TMEM63B: variants seen among roughly 807,000 people sequenced by gnomAD.
TMEM63B encodes the protein transmembrane protein 63B.
In TMEM63B, 23 loss-of-function variants were observed where a neutral mutation model predicts 102.6. The ratio of observed to expected loss-of-function variants is 0.22; its 90% CI spans 0.16 to 0.32. The LOEUF is 0.32. TMEM63B is among the 10% of genes least tolerant of loss of function. TMEM63B has a pLI of 1.00. For synonymous variants in TMEM63B, 444 were observed against 437.0 expected (o/e 1.02, Z -0.20); for missense variants, 628 against 1,095.9 (o/e 0.57, Z 6.03).
chr6:44,147,794 G>A (rs1765730135), intron 12 of TMEM63B, among the ~76,000 whole-genome samples: 1 of 152,212 alleles, frequency 6.6e-6, no homozygotes, highest in African/African-American at 2.4e-5. Context: ...CACCTTATGA[G>A]AGTGTTGTGA....
At chr6:44,146,973 C>A in intron 11 of TMEM63B, 46 bp downstream of exon 11, 1 of 1,594,390 alleles carries the variant, frequency 6.3e-7, no homozygotes, top group Non-Finnish European at 8.6e-7. Flanking sequence ...GGCCCCCTGC[C>A]ATTGTGGAGG....
chr6:44,139,337 C>T (rs1472908910), intron 6 of TMEM63B, 130 bp from the exon 7 acceptor site: 10 of 1,131,206 alleles, frequency 8.8e-6, no homozygotes, highest in Non-Finnish European at 1.0e-5. Flanking sequence ...CCATTTCAGC[C>T]CTATACTACT....
At chr6:44,131,736 C>G (rs559857552) in intron 1 of TMEM63B, among the ~76,000 whole-genome samples, 1 of 149,766 alleles carries the variant, frequency 6.7e-6, no homozygotes, top group South Asian at 2.1e-4. Context: ...ACACAACAAC[C>G]CCCCCAAAAA....
chr6:44,144,218 A>G (rs370954382), intron 10 of TMEM63B, among the ~76,000 whole-genome samples: 14 of 152,240 alleles, frequency 9.2e-5, no homozygotes, highest in Non-Finnish European at 1.6e-4. Context: ...GGTGAGGACT[A>G]AGAGACAGCG....
chr6:44,148,774 G>T lies in TMEM63B; in HGVS notation c.1260-18G>T. The T allele has an allele frequency of 6.2e-7, 1 of 1,614,042 alleles. No individual in the cohort carries two copies. The highest frequency in any genetic ancestry group is 8.5e-7 in the Non-Finnish European group (1 of 1,179,994). On this transcript the variant is annotated intron_variant, in intron 14 of 23. Coordinates refer to ENST00000323267, the MANE Select transcript of TMEM63B (RefSeq NM_018426.3). This position sits in a 1 kb window ranked among gnomAD's most constrained non-coding sequence, Gnocchi z 5.1. ...CCTGCCCTTGGTTCCTGGACTGACC[G>T]GTTCCCCACCTTGCCAGGGAGCACC...
rs763309221 is a variant in TMEM63B at position 44,150,634 on chromosome 6, G to GTGAC, written c.1673+8_1673+11dup. On this transcript the variant is annotated splice_donor_region_variant and intron_variant, in intron 18 of 23. Transcript: ENST00000323267. The surrounding 1 kb of genome is among the most constrained non-coding windows in gnomAD (Gnocchi z 4.7). ...TGAGGCAGCTATTCGGTTTGAGTGA[G>GTGAC]TGACTGGGGCCCCTAGGGAAAGAGA... is the stretch of plus-strand genomic sequence containing the variant. 6 of 1,613,922 alleles carry GTGAC rather than the reference G, an allele frequency of 3.7e-6. No individual in the cohort carries two copies.
chr6:44,142,761 G>A (rs1764558861), intron 10 of TMEM63B, among the ~76,000 whole-genome samples: 1 of 151,920 alleles, frequency 6.6e-6, no homozygotes, highest in South Asian at 2.1e-4. Context: ...AGGTGTGGTG[G>A]CTCATGCCTG....
chr6:44,150,764 G>A lies in TMEM63B; in HGVS notation c.1673+135G>A. 2.1e-6 allele frequency: 2 copies of A among 956,204 alleles called. No individual in the cohort carries two copies. Among genetic ancestry groups the A allele is most frequent in the Admixed American group, 4.3e-5 (2 of 46,778 alleles). 59.2% of individuals were successfully genotyped at this position (956,204 alleles called of 1,614,324 possible). ...GGGGCAGAAGAGAGAGGATCTGGCG[G>A]GGTTACCCCAAAGGCACCCACAAGG... On this transcript the variant is annotated intron_variant, in intron 18 of 23. Transcript: ENST00000323267. The surrounding 1 kb of genome is among the most constrained non-coding windows in gnomAD (Gnocchi z 4.7).
intron 4 of TMEM63B, among the ~76,000 whole-genome samples, chr6:44,136,077 T>C (rs1444759811): frequency 6.6e-6 from 1 of 152,118 alleles, no homozygotes; most frequent in Non-Finnish European, 1.5e-5. Context: ...CGCTTCAGCC[T>C]CCTTAGGGAG....
Position 44,148,701 on chromosome 6 carries a change from G to C in TMEM63B, c.1259+51G>C. ...CTTTCCAGGGCCTGGGATGGGCTCAGTAGGTAGGCGGAGGAGAGGGAGTGT... is the reference window on the plus strand; with the variant it reads ...CTTTCCAGGGCCTGGGATGGGCTCACTAGGTAGGCGGAGGAGAGGGAGTGT... On this transcript the variant is annotated intron_variant, in intron 14 of 23. Coordinates refer to ENST00000323267, the MANE Select transcript of TMEM63B (RefSeq NM_018426.3). The surrounding 1 kb of genome is among the most constrained non-coding windows in gnomAD (Gnocchi z 5.1). 6.2e-7 allele frequency: 1 copy of C among 1,611,296 alleles called. No individual in the cohort carries two copies. The highest frequency in any genetic ancestry group is 8.5e-7 in the Non-Finnish European group (1 of 1,177,822).
intron 15 of TMEM63B, 89 bp downstream of exon 15, chr6:44,149,034 C>G (rs1403422132): frequency 6.3e-7 from 1 of 1,594,124 alleles, no homozygotes; most frequent in South Asian, 1.1e-5. Context: ...CCCAGCCCAG[C>G]CCGTTCTGCT....
At chr6:44,133,265 C>G (rs1186425970) in intron 1 of TMEM63B, among the ~76,000 whole-genome samples, 1 of 152,188 alleles carries the variant, frequency 6.6e-6, no homozygotes, top group Admixed American at 6.5e-5. Context: ...TCCATCCTCC[C>G]CTCCATCTGA....
At position 44,147,451 on chromosome 6, in the gene TMEM63B, C is replaced by T. The variant is rs1765651463; in HGVS notation, c.938C>T (p.Pro313Leu). Residue 313 changes from proline to leucine, a missense_variant, in exon 12 of 24, where the codon CCC (proline) becomes CTC (leucine). Physicochemically the swap from Pro to Leu is moderately conservative, Grantham distance 98. Transcript: ENST00000323267. The part of the protein sequence containing the change: ...SKENVPTMIN[P>L]KPCGHLCCCV... ...GAGAACGTGCCTACCATGATCAACC[C>T]CAAGCCCTGTGGCCACCTCTGCTGC... is the stretch of plus-strand genomic sequence containing the variant. The T allele has an allele frequency of 1.2e-6, 2 of 1,614,152 alleles. No homozygotes were observed. The highest frequency in any genetic ancestry group is 4.5e-5 in the East Asian group (2 of 44,874).
rs1435061133 is a variant in TMEM63B, at chr6:44,153,766, C to T, written c.2033C>T (p.Ser678Leu). Residue 678 changes from serine (S) to leucine (L), a missense_variant, in exon 21 of 24, where the codon TCG (serine) becomes TTG (leucine). By Grantham distance (145) the Ser-to-Leu change is moderately radical (BLOSUM62 -2). Around this residue, in one of 6 missense-constraint regions of TMEM63B, gnomAD observed 90 missense variants for 136.7 expected, o/e 0.66. Coordinates refer to ENST00000323267, the MANE Select transcript of TMEM63B (RefSeq NM_018426.3). ...LPAKLDKKIH[S>L]GAVNQVVAAP... The stretch of plus-strand genomic sequence containing the variant: ...GCCAAGCTGGACAAGAAGATCCACT[C>T]GGGGGCTGTGAACCAGGTGGTGGCC... The T allele has an allele frequency of 2.5e-6, 4 of 1,614,106 alleles. No individual in the cohort carries two copies. The highest frequency in any genetic ancestry group is 1.6e-4 in the Middle Eastern group (1 of 6,062).
chr6:44,134,924 T>A, intron 2 of TMEM63B, 93 bp from the exon 3 acceptor site: 1 of 1,535,882 alleles, frequency 6.5e-7, no homozygotes, highest in South Asian at 1.1e-5. Context: ...CATCCCCTTC[T>A]AAGACAAGAT....
chr6:44,144,873 C>T lies in TMEM63B; in HGVS notation c.783-1974C>T, dbSNP rs895746742. On this transcript the variant is annotated intron_variant, in intron 10 of 23. Transcript: ENST00000323267. Reference sequence around the variant, plus strand: ...TCAGCCTCTCAAAGTTTTGGGATTACAGGCATGAGCCACTGTGTTCAACCT... The same window carrying T: ...TCAGCCTCTCAAAGTTTTGGGATTATAGGCATGAGCCACTGTGTTCAACCT... 2.6e-5 allele frequency among the ~76,000 whole-genome samples: 4 copies of T among 152,024 alleles called. No individual in the cohort carries two copies. In the East Asian group the frequency reaches 5.8e-4, roughly 22 times the overall value.
intron 6 of TMEM63B, chr6:44,138,746 T>G (rs1261214033): frequency 2.4e-5 from 8 of 327,576 alleles, no homozygotes; most frequent in East Asian, 5.3e-5. Context: ...GCCCCCCCGC[T>G]TCTCTCCCTG....
chr6:44,138,326 A>C, intron 5 of TMEM63B, 154 bp from the exon 6 acceptor site: 1 of 862,856 alleles, frequency 1.2e-6, no homozygotes, highest in Non-Finnish European at 1.9e-6. Context: ...CTTTTTGGGT[A>C]TAAGCTAGTT....
rs1766868973 is a variant in TMEM63B, at chr6:44,152,342, C to T, written c.1837-251C>T. Among the ~76,000 whole-genome samples, 2 of 152,022 alleles carry T rather than the reference C, an allele frequency of 1.3e-5. No homozygotes were observed. On this transcript the variant is annotated intron_variant, in intron 19 of 23. Transcript: ENST00000323267. The surrounding 1 kb of genome is among the most constrained non-coding windows in gnomAD (Gnocchi z 6.4). Reference sequence around the variant, plus strand: ...TCTCAAGTCCACCCAACTCTTGCCCCCTACCTGCCAGGCCCCGACCCTTGA... The same window carrying T: ...TCTCAAGTCCACCCAACTCTTGCCCTCTACCTGCCAGGCCCCGACCCTTGA...
Sources: allele counts gnomAD v4.1 joint callset (sites outside exome capture counted in the v4.1 genomes callset), GRCh38; gene constraint gnomAD v4.1.1; regional missense constraint gnomAD v4.1.1; non-coding constraint Gnocchi (gnomAD v3.1); transcripts MANE v1.5; gene names NCBI Gene and HGNC (gene_info 2026-07-23, HGNC 2026-07-21).